DHX40: variants seen among roughly 807,000 people sequenced by gnomAD.
DHX40 encodes probable ATP-dependent RNA helicase DHX40.
A neutral mutation model predicts 89.6 loss-of-function variants in DHX40; 28 were observed. The observed-to-expected ratio is 0.31, with a 90% CI of 0.23 to 0.43. The LOEUF (loss-of-function observed/expected upper bound fraction) is 0.43. Among genes scored for constraint, DHX40 ranks in the 20% least tolerant of loss-of-function variants. The pLI is 1.00. For synonymous variants in DHX40, 226 were observed against 283.6 expected, an observed-to-expected ratio of 0.80 and a Z score of 2.04; for missense variants, 457 against 844.0, an observed-to-expected ratio of 0.54 and a Z score of 5.68.
At chr17:59,569,150 GA>G (rs1444230221) in intron 2 of DHX40, among the ~76,000 whole-genome samples, 7 of 151,984 alleles carry the variant, frequency 4.6e-5, no homozygotes, top group Admixed American at 2.6e-4. Context: ...CCAACATGGT[GA>G]AACCCCATCT....
intron 3 of DHX40, 111 bp downstream of exon 3, chr17:59,570,774 T>G (rs1053460032): frequency 1.5e-5 from 17 of 1,171,068 alleles, no homozygotes; most frequent in Non-Finnish European, 1.8e-5. Context: ...GCCTCTACCT[T>G]CTGGGCTCAA....
In DHX40 at chr17:59,582,264, G is replaced by A. The variant is rs547438263; in HGVS notation, c.1343+2385G>A. 9.8e-5 allele frequency among the ~76,000 whole-genome samples: 12 copies of A among 123,074 alleles called. 5 individuals are homozygous for A. In the East Asian group the frequency reaches 2.3e-3, roughly 24 times the overall value. 80.7% of individuals were successfully genotyped at this position (123,074 alleles called of 152,430 possible). A position where few individuals can be genotyped will look rare whatever the true frequency, so the allele number is the denominator to read the frequency against. ...TAAAAGCCATAGTGTACTAAAAATC[G>A]CAAAATTATGTTTCAAAATGCTTGA... On this transcript the variant is annotated intron_variant, in intron 10 of 17. Transcript: ENST00000251241.
rs745927262 is a variant in DHX40 at position 59,605,535 on chromosome 17, C to G, written c.2061C>G (p.Ile687Met). 6.2e-7 allele frequency: 1 copy of G among 1,614,114 alleles called. No homozygotes were observed. Among genetic ancestry groups the G allele is most frequent in the Admixed American group, 1.7e-5 (1 of 60,004 alleles). The change falls in exon 17 of 18, where the codon ATC (isoleucine) becomes ATG (methionine). Residue 687 changes from isoleucine (I) to methionine (M), a missense_variant. This residue lies in a region of DHX40 where 120 missense variants were observed against 161.7 expected (regional missense o/e 0.74). Transcript: ENST00000251241. ...TCTACGCAAGAATTGTATGCCCAAT[C>G]CGTTATGAATGGGTAAGAGACTTGT... ...TKVYARIVCPIRYEWVRDLLP... is the reference protein window; with the variant it reads ...TKVYARIVCPMRYEWVRDLLP...
At chr17:59,603,950 C>T (rs1249554444) in intron 15 of DHX40, 4 of 152,150 alleles carry the variant, frequency 2.6e-5, no homozygotes, top group Admixed American at 2.6e-4. Flanking sequence ...AGTAACTAGC[C>T]TTGACATCTT....
At chr17:59,566,586 T>C in intron 1 of DHX40, 41 bp from the exon 2 acceptor site, 1 of 1,529,590 alleles carries the variant, frequency 6.5e-7, no homozygotes. Context: ...CAGAGATATC[T>C]TTACAAGTCT....
chr17:59,570,807 TG>T, intron 3 of DHX40, 144 bp downstream of exon 3: 1 of 697,920 alleles, frequency 1.4e-6, no homozygotes, highest in African/African-American at 1.9e-5. Context: ...CTCAGCCCCT[TG>T]GGTAGCTGGG....
intron 10 of DHX40, among the ~76,000 whole-genome samples, chr17:59,585,833 A>T (rs1291239434): frequency 6.8e-6 from 1 of 146,370 alleles, no homozygotes; most frequent in South Asian, 2.2e-4. Flanking sequence ...TTGGAAAAAA[A>T]TTATGGACTG....
rs2048835236 is a variant in DHX40, at chr17:59,573,227, C to CT, written c.539dup (p.Thr181AsnfsTer19). 1.2e-6 allele frequency: 2 copies of CT among 1,606,302 alleles called. No individual in the cohort carries two copies. The highest frequency in any genetic ancestry group is 1.7e-6 in the Non-Finnish European group (2 of 1,177,536). On this transcript the variant is annotated frameshift_variant, in exon 4 of 18. Coordinates refer to ENST00000251241, the MANE Select transcript of DHX40 (RefSeq NM_024612.5). LOFTEE classifies it high-confidence loss of function. ...TTTGGATGAAGCCCATGAAAGAACT[C>CT]TAACTACAGTGAGTATTTTAATTTA...
intron 2 of DHX40, among the ~76,000 whole-genome samples, chr17:59,568,856 A>G (rs958458051): frequency 3.3e-5 from 5 of 149,640 alleles, no homozygotes; most frequent in Non-Finnish European, 5.9e-5. Flanking sequence ...ATATATATAA[A>G]TATAGATATA....
At chr17:59,571,437 A>C (rs1158296663) in intron 3 of DHX40, among the ~76,000 whole-genome samples, 1 of 130,572 alleles carries the variant, frequency 7.7e-6, no homozygotes, top group East Asian at 2.3e-4. Flanking sequence ...AGCCTGGGCA[A>C]CAAGAGCAAA....
At chr17:59,585,499 G>A (rs2048981197) in intron 10 of DHX40, among the ~76,000 whole-genome samples, 1 of 151,424 alleles carries the variant, frequency 6.6e-6, no homozygotes, top group Admixed American at 6.6e-5. Context: ...GAGGCGGGCG[G>A]ATTGCTTAAG....
intron 15 of DHX40, 36 bp from the exon 16 acceptor site, chr17:59,605,079 G>A: frequency 1.3e-6 from 2 of 1,569,702 alleles, no homozygotes; most frequent in Non-Finnish European, 1.8e-6. Flanking sequence ...TTGCTTTACT[G>A]TTGTAGTCTT....
At chr17:59,602,013 T>G (rs962951994) in intron 14 of DHX40, among the ~76,000 whole-genome samples, 2 of 152,234 alleles carry the variant, frequency 1.3e-5, no homozygotes, top group Non-Finnish European at 1.5e-5. Context: ...AAGAGGTTCT[T>G]TTCTTGGGCT....
In DHX40 at chr17:59,607,049, C is replaced by A. The variant is rs372012056; in HGVS notation, c.2217C>A (p.Asp739Glu). 6.2e-7 allele frequency: 1 copy of A among 1,613,196 alleles called. No homozygotes were observed. ...VKQLKDGISK[D>E]VLKKMQRRND... ...TGTTTTCAGATGGAATATCGAAAGA[C>A]GTCTTAAAGAAAATGCAAAGAAGAA... Residue 739 changes from aspartate to glutamate, a missense_variant, in exon 18 of 18, where the codon GAC becomes GAA. Physicochemically the swap from Asp to Glu is conservative, Grantham distance 45. This residue lies in a region of DHX40 where 120 missense variants were observed against 161.7 expected (regional missense o/e 0.74). Transcript: ENST00000251241.
chr17:59,582,327 A>G lies in DHX40; in HGVS notation c.1343+2448A>G. Among the ~76,000 whole-genome samples, 2 of 123,826 alleles carry G rather than the reference A, an allele frequency of 1.6e-5. 1 individual carries two copies. The highest frequency in any genetic ancestry group is 5.9e-4 in the South Asian group (2 of 3,398). 81.2% of individuals were successfully genotyped at this position (123,826 alleles called of 152,430 possible). A position where few individuals can be genotyped will look rare whatever the true frequency, so the allele number is the denominator to read the frequency against. ...AGACTTCCTTTTTAAAAAGTTGTATAAAGAATAAGGAGAGGTAGAGCCAGT... is the reference window on the plus strand; with the variant it reads ...AGACTTCCTTTTTAAAAAGTTGTATGAAGAATAAGGAGAGGTAGAGCCAGT... On this transcript the variant is annotated intron_variant, in intron 10 of 17. Transcript: ENST00000251241.
chr17:59,598,627 A>G, intron 12 of DHX40, 110 bp from the exon 13 acceptor site: 1 of 548,532 alleles, frequency 1.8e-6, no homozygotes. Flanking sequence ...ATATAGTTCT[A>G]CCTTACTTCA....
chr17:59,606,852 C>T (rs2030891812), intron 17 of DHX40, among the ~76,000 whole-genome samples, 181 bp from the exon 18 acceptor site: 2 of 151,930 alleles, frequency 1.3e-5, no homozygotes, highest in Non-Finnish European at 1.5e-5. Context: ...GACTCATTGG[C>T]CTTGGTGCTC....
chr17:59,589,256 C>T (rs2049046184), intron 12 of DHX40, among the ~76,000 whole-genome samples: 1 of 119,984 alleles, frequency 8.3e-6, no homozygotes, highest in Middle Eastern at 9.3e-3. Context: ...GAGTCTTGCT[C>T]TGTCACCCGG....
At position 59,575,341 on chromosome 17, in the gene DHX40, C is replaced by T. The variant is rs373514663; in HGVS notation, c.843C>T (p.Gly281=). The change falls in exon 7 of 18, where the codon GGC becomes GGT. Residue 281 remains glycine (G), a splice_region_variant and synonymous_variant. Transcript: ENST00000251241. The part of the protein sequence containing the change: ...MAGDILVFLT[G]QFEIEKSCEL... The stretch of plus-strand genomic sequence containing the variant: ...GTTATTTTTTTCTTCCCATTTTAGG[C>T]CAGTTTGAAATAGAAAAAAGTTGTG... 117 of 1,568,306 alleles carry T rather than the reference C, an allele frequency of 7.5e-5. No individual in the cohort carries two copies. The highest frequency in any genetic ancestry group is 9.8e-5 in the Non-Finnish European group (114 of 1,160,996).
Sources: allele counts gnomAD v4.1 joint callset (sites outside exome capture counted in the v4.1 genomes callset), GRCh38; gene constraint gnomAD v4.1.1; regional missense constraint gnomAD v4.1.1; transcripts MANE v1.5; gene names NCBI Gene and HGNC (gene_info 2026-07-23, HGNC 2026-07-21).